The following CLASP1 variants were observed in gnomAD, a reference collection of about 807,000 sequenced individuals.
CLASP1 encodes the protein cytoplasmic linker associated protein 1.
In CLASP1, 38 loss-of-function variants were observed where a neutral mutation model predicts 192.3. The observed-to-expected ratio is 0.20, with a 90% CI of 0.15 to 0.26. CLASP1 has a LOEUF of 0.26. CLASP1 is among the 10% of genes least tolerant of loss of function. The pLI is 1.00. For synonymous variants in CLASP1, 691 were observed against 712.8 expected, an observed-to-expected ratio of 0.97 and a Z score of 0.49; for missense variants, 1,433 against 1,932.5, an observed-to-expected ratio of 0.74 and a Z score of 4.85.
intron 19 of CLASP1, among the ~76,000 whole-genome samples, chr2:121,439,317 G>C (rs796164375): frequency 1.3e-4 from 20 of 151,528 alleles, no homozygotes; most frequent in Middle Eastern, 3.4e-3. Flanking sequence ...TTTTTTGTGT[G>C]TCTATTTCCT....
chr2:121,350,485 C>T (rs545150593), intron 37 of CLASP1, among the ~76,000 whole-genome samples: 1 of 152,278 alleles, frequency 6.6e-6, no homozygotes, highest in African/African-American at 2.4e-5. Context: ...TTGGGGCCCT[C>T]ACTGAGGCTC....
rs570009483 is a variant in CLASP1 at position 121,355,495 on chromosome 2, C to T, written c.4207-6777G>A. Among the ~76,000 whole-genome samples the T allele has an allele frequency of 3.2e-4, 48 of 152,270 alleles. No homozygotes were observed. In the South Asian group the frequency reaches 9.5e-3, roughly 30 times the overall value. ...ATGTCTGAAAATAAAATGTCAGAAG[C>T]TGCACATTAAGATGGGTAGTTTGAG... On this transcript the variant is annotated intron_variant, in intron 37 of 39. Transcript: ENST00000263710.
intron 19 of CLASP1, among the ~76,000 whole-genome samples, chr2:121,433,875 A>G (rs1294963221): frequency 1.3e-5 from 2 of 152,232 alleles, no homozygotes; most frequent in African/African-American, 4.8e-5. Context: ...CAGTGAGGGA[A>G]GTATTCCCTC....
intron 13 of CLASP1, 114 bp downstream of exon 13, chr2:121,458,726 T>C (rs796851653): frequency 6.4e-6 from 5 of 776,902 alleles, no homozygotes; most frequent in Non-Finnish European, 9.3e-6. Context: ...AATATAATTA[T>C]GCTAATAAAT....
At chr2:121,476,299 A>G (rs2091600725) in intron 8 of CLASP1, among the ~76,000 whole-genome samples, 1 of 152,172 alleles carries the variant, frequency 6.6e-6, no homozygotes, top group Non-Finnish European at 1.5e-5. Flanking sequence ...AAGCCCCAGC[A>G]GAGCCCAGCT....
At chr2:121,509,373 C>T (rs187180171) in intron 7 of CLASP1, among the ~76,000 whole-genome samples, 1 of 152,246 alleles carries the variant, frequency 6.6e-6, no homozygotes, top group African/African-American at 2.4e-5. Context: ...AACGGGGTCT[C>T]ATGTTGCCCA....
chr2:121,621,720 G>GT (rs1427713675), intron 1 of CLASP1, among the ~76,000 whole-genome samples: 3 of 152,090 alleles, frequency 2.0e-5, no homozygotes, highest in Non-Finnish European at 4.4e-5. Flanking sequence ...TAACTTTGTA[G>GT]TAAGTTATGA....
chr2:121,341,816 C>T (rs1037639438), intron 39 of CLASP1, among the ~76,000 whole-genome samples: 1 of 152,218 alleles, frequency 6.6e-6, no homozygotes, highest in South Asian at 2.1e-4. Context: ...ACAGAACACA[C>T]ATTCTTCTCA....
intron 37 of CLASP1, among the ~76,000 whole-genome samples, chr2:121,354,468 G>A (rs953193597): frequency 2.0e-5 from 3 of 152,310 alleles, no homozygotes; most frequent in Middle Eastern, 6.8e-3. Flanking sequence ...AGCCAAGCAC[G>A]TGGCTGTGTA....
chr2:121,571,130 G>C (rs569708765), intron 2 of CLASP1, among the ~76,000 whole-genome samples: 1 of 151,812 alleles, frequency 6.6e-6, no homozygotes, highest in South Asian at 2.1e-4. Context: ...AAGCAAGCAG[G>C]AGACACTTAT....
At chr2:121,502,555 C>T (rs1225300183) in intron 8 of CLASP1, among the ~76,000 whole-genome samples, 5 of 152,166 alleles carry the variant, frequency 3.3e-5, no homozygotes, top group Non-Finnish European at 7.3e-5. Context: ...AGGAGATGCT[C>T]AGAATGTTCA....
At position 121,518,155 on chromosome 2, in the gene CLASP1, C is replaced by T. The variant is rs553351609; in HGVS notation, c.547-2393G>A. The stretch of plus-strand genomic sequence containing the variant: ...CTGAGGTAGGAGAATCACTTAAACC[C>T]GGGAGGCAGAGGTTGCAGTGAGCTG... On this transcript the variant is annotated intron_variant, in intron 6 of 39. Coordinates refer to ENST00000263710, the Ensembl canonical transcript of CLASP1. 1.2e-4 allele frequency among the ~76,000 whole-genome samples: 17 copies of T among 145,004 alleles called. 1 individual carries two copies. The highest frequency in any genetic ancestry group is 7.5e-3 in the Middle Eastern group (2 of 266).
chr2:121,478,844 C>T (rs2092164201), intron 8 of CLASP1, among the ~76,000 whole-genome samples: 2 of 72,856 alleles, frequency 2.7e-5, no homozygotes, highest in East Asian at 1.2e-3. Flanking sequence ...ACACCACACA[C>T]ACACCACACA....
intron 2 of CLASP1, among the ~76,000 whole-genome samples, chr2:121,566,338 T>G (rs1411638030): frequency 6.6e-6 from 1 of 152,236 alleles, no homozygotes; most frequent in Non-Finnish European, 1.5e-5. Flanking sequence ...TGTAATTACT[T>G]TGCAAACTGT....
intron 38 of CLASP1, among the ~76,000 whole-genome samples, chr2:121,347,997 TGA>T (rs1312759950): frequency 9.8e-5 from 13 of 132,652 alleles, no homozygotes; most frequent in Non-Finnish European, 3.1e-5. Flanking sequence ...TAGCCCATGG[TGA>T]CACCTGTCAT....
intron 38 of CLASP1, 111 bp from the exon 40 acceptor site, chr2:121,347,265 T>A: frequency 1.4e-6 from 1 of 734,072 alleles, no homozygotes; most frequent in Non-Finnish European, 2.4e-6. Flanking sequence ...CTTGGACTTG[T>A]CAGTAACAAC....
intron 1 of CLASP1, among the ~76,000 whole-genome samples, chr2:121,623,869 T>G (rs1214970543): frequency 6.6e-6 from 1 of 152,204 alleles, no homozygotes; most frequent in Non-Finnish European, 1.5e-5. Context: ...AGAGACCTTC[T>G]ATTTCTTTTT....
intron 33 of CLASP1, among the ~76,000 whole-genome samples, chr2:121,378,173 CA>C (rs2149328584): frequency 6.6e-6 from 1 of 152,156 alleles, no homozygotes; most frequent in South Asian, 2.1e-4. Flanking sequence ...CAAAACAAAA[CA>C]AAAAACCCTA....
At chr2:121,357,028 C>T (rs1431090449) in intron 37 of CLASP1, among the ~76,000 whole-genome samples, 1 of 152,172 alleles carries the variant, frequency 6.6e-6, no homozygotes, top group African/African-American at 2.4e-5. Context: ...TTTAAGGCTT[C>T]TCTTTGGCAT....
Sources: gnomAD v4.1 joint callset for allele counts (sites outside exome capture counted in the v4.1 genomes callset) on GRCh38, gnomAD v4.1.1 for gene constraint, MANE v1.5 for transcripts, NCBI Gene and HGNC (gene_info 2026-07-23, HGNC 2026-07-21) for gene names.